The following SPIDR variants were observed in gnomAD, a reference collection of about 807,000 sequenced individuals.
The protein encoded by SPIDR is scaffold protein involved in DNA repair.
A neutral mutation model predicts 104.6 loss-of-function variants in SPIDR; 93 were observed. That is an observed-to-expected ratio of 0.89 (90% CI 0.75 to 1.06). The LOEUF (loss-of-function observed/expected upper bound fraction) is 1.06. SPIDR is among the 50% of genes least tolerant of loss of function. SPIDR has a pLI of 0.00. For missense variants in SPIDR, 1,154 were observed against 1,111.2 expected (o/e 1.04, Z -0.55); for synonymous variants, 431 against 416.9 (o/e 1.03, Z -0.41).
chr8:47,723,962 TTAAA>T (rs1403289648), intron 16 of SPIDR, among the ~76,000 whole-genome samples: 1 of 151,554 alleles, frequency 6.6e-6, no homozygotes, highest in African/African-American at 2.4e-5. Flanking sequence ...TCATTATTAT[TTAAA>T]TAAACTATTA....
intron 5 of SPIDR, among the ~76,000 whole-genome samples, chr8:47,319,396 T>C (rs541394460): frequency 6.6e-6 from 1 of 152,330 alleles, no homozygotes; most frequent in African/African-American, 2.4e-5. Flanking sequence ...AAGAGCTAGC[T>C]AGCCTAAATA....
At chr8:47,410,971 C>T (rs1194745171) in intron 7 of SPIDR, among the ~76,000 whole-genome samples, 2 of 152,120 alleles carry the variant, frequency 1.3e-5, no homozygotes, top group Admixed American at 6.6e-5. Context: ...CATCCATGTC[C>T]CTACAAAGGA....
At position 47,599,058 on chromosome 8, in the gene SPIDR, T is replaced by A. The variant is rs2061953822; in HGVS notation, c.1406T>A (p.Val469Glu). Residue 469 changes from valine (V) to glutamate (E), a missense_variant, in exon 10 of 20, where the codon GTG becomes GAG. By Grantham distance (121) the Val-to-Glu change is moderately radical. Transcript: ENST00000297423. The stretch of plus-strand genomic sequence containing the variant: ...CTGAGGGATTCTCTCCTGGATGTGG[T>A]GGAAAGCCAGGGAGCTGCCTCGTGG... Reference protein sequence around the residue: ...TPLRDSLLDVVESQGAASWPG... With the variant: ...TPLRDSLLDVEESQGAASWPG... 6.2e-7 allele frequency: 1 copy of A among 1,612,930 alleles called. No individual in the cohort carries two copies.
At chr8:47,286,601 G>T (rs1429524182) in intron 3 of SPIDR, among the ~76,000 whole-genome samples, 2 of 151,914 alleles carry the variant, frequency 1.3e-5, no homozygotes, top group Non-Finnish European at 2.9e-5. Flanking sequence ...AAAATTACAT[G>T]TACATACACA....
chr8:47,350,473 C>T lies in SPIDR; in HGVS notation c.526-45903C>T, dbSNP rs371788377. 2.8e-4 allele frequency among the ~76,000 whole-genome samples: 43 copies of T among 152,268 alleles called. No homozygotes were observed. In the East Asian group the frequency reaches 8.1e-3, roughly 29 times the overall value. Reference sequence around the variant, plus strand: ...GGATTACAGGCGTGTGCCACCATGCCTGGCTAACTTTTGTATTTTTAGTAG... The same window carrying T: ...GGATTACAGGCGTGTGCCACCATGCTTGGCTAACTTTTGTATTTTTAGTAG... On this transcript the variant is annotated intron_variant, in intron 5 of 19. Transcript: ENST00000297423.
rs1380913183 is a variant in SPIDR, at chr8:47,736,160, GAATT to G, written c.*716_*719del. 3 of 153,820 alleles carry G rather than the reference GAATT, an allele frequency of 2.0e-5. No homozygotes were observed. Among genetic ancestry groups the G allele is most frequent in the Admixed American group, 6.4e-5 (1 of 15,636 alleles). 9.5% of individuals were successfully genotyped at this position (153,820 alleles called of 1,614,324 possible). On this transcript the variant is annotated 3_prime_UTR_variant, in exon 20 of 20. Transcript: ENST00000297423. Reference sequence around the variant, plus strand: ...CTTTGCTGGCAAAGATTTAAACCAAGAATTAATTATCTTTGGACACTATAAAGAT... The same window carrying G: ...CTTTGCTGGCAAAGATTTAAACCAAGAATTATCTTTGGACACTATAAAGAT...
chr8:47,685,803 C>T (rs1166168714), intron 11 of SPIDR, among the ~76,000 whole-genome samples: 8 of 151,918 alleles, frequency 5.3e-5, no homozygotes, highest in Admixed American at 2.0e-4. Context: ...TTGCCCACCT[C>T]GGCCTCCCAA....
intron 7 of SPIDR, among the ~76,000 whole-genome samples, chr8:47,432,845 G>A (rs1197581014): frequency 1.3e-5 from 2 of 152,160 alleles, no homozygotes; most frequent in Non-Finnish European, 2.9e-5. Flanking sequence ...AGTCAGGGTG[G>A]CTATCATTAC....
intron 10 of SPIDR, among the ~76,000 whole-genome samples, chr8:47,613,148 C>T (rs893996468): frequency 2.0e-5 from 3 of 152,168 alleles, no homozygotes; most frequent in Non-Finnish European, 4.4e-5. Context: ...AGCAGTCCCT[C>T]CCCACTAACC....
At chr8:47,719,908 A>G (rs2083155845) in intron 16 of SPIDR, among the ~76,000 whole-genome samples, 2 of 152,216 alleles carry the variant, frequency 1.3e-5, no homozygotes. Context: ...TGTGTTGTAC[A>G]GTTCTGTTGG....
chr8:47,718,118 G>A (rs1158918451), intron 16 of SPIDR, among the ~76,000 whole-genome samples: 5 of 152,212 alleles, frequency 3.3e-5, no homozygotes, highest in African/African-American at 1.2e-4. Flanking sequence ...TTCAAAGCTT[G>A]TAGCCGGGAT....
intron 10 of SPIDR, among the ~76,000 whole-genome samples, chr8:47,668,131 A>G (rs2075245825): frequency 6.6e-6 from 1 of 152,218 alleles, no homozygotes; most frequent in Admixed American, 6.5e-5. Flanking sequence ...AACTGTCAAA[A>G]CACAGATTAT....
At chr8:47,508,931 C>T (rs2081904045) in intron 8 of SPIDR, among the ~76,000 whole-genome samples, 1 of 149,202 alleles carries the variant, frequency 6.7e-6, no homozygotes, top group East Asian at 2.0e-4. Flanking sequence ...ATGGAAGTGT[C>T]CTTCCATTTT....
chr8:47,584,374 A>G (rs1198432067), intron 8 of SPIDR, among the ~76,000 whole-genome samples: 1 of 152,236 alleles, frequency 6.6e-6, no homozygotes, highest in Non-Finnish European at 1.5e-5. Context: ...AGTATTTTCA[A>G]TAACATTTCT....
At chr8:47,507,052 C>T (rs1387493659) in intron 8 of SPIDR, among the ~76,000 whole-genome samples, 1 of 152,144 alleles carries the variant, frequency 6.6e-6, no homozygotes, top group Non-Finnish European at 1.5e-5. Context: ...TCATGTCCAC[C>T]TGGTTTTTGA....
chr8:47,631,069 A>C (rs1449182530), intron 10 of SPIDR, among the ~76,000 whole-genome samples: 4 of 152,184 alleles, frequency 2.6e-5, no homozygotes, highest in African/African-American at 4.8e-5. Flanking sequence ...ACGGAGAGAG[A>C]CAGCGATGAA....
At chr8:47,344,407 T>C (rs2051434282) in intron 5 of SPIDR, among the ~76,000 whole-genome samples, 1 of 152,206 alleles carries the variant, frequency 6.6e-6, no homozygotes, top group Non-Finnish European at 1.5e-5. Flanking sequence ...TTTGCTATTG[T>C]GAATAGTGCC....
chr8:47,555,560 G>T (rs903199954), intron 8 of SPIDR, among the ~76,000 whole-genome samples: 1 of 152,164 alleles, frequency 6.6e-6, no homozygotes, highest in Non-Finnish European at 1.5e-5. Context: ...AATCTATAGT[G>T]TTAACAGCTG....
intron 8 of SPIDR, among the ~76,000 whole-genome samples, chr8:47,502,586 A>C (rs1051568169): frequency 6.6e-6 from 1 of 152,086 alleles, no homozygotes; most frequent in African/African-American, 2.4e-5. Flanking sequence ...TTCAAAACCC[A>C]GCTCCTGGAT....
Sources: gnomAD v4.1 joint callset for allele counts (sites outside exome capture counted in the v4.1 genomes callset) on GRCh38, gnomAD v4.1.1 for gene constraint, MANE v1.5 for transcripts, NCBI Gene and HGNC (gene_info 2026-07-23, HGNC 2026-07-21) for gene names.